LHPP: variants seen among roughly 807,000 people sequenced by gnomAD.
LHPP encodes the protein hLHPP.
In LHPP, 24 loss-of-function variants were observed where a neutral mutation model predicts 30.3. The ratio of observed to expected loss-of-function variants is 0.79; its 90% CI spans 0.57 to 1.11. The LOEUF is 1.11. LHPP is among the 50% of genes most tolerant of loss of function. The pLI is 0.00. For synonymous variants in LHPP, 150 were observed against 157.1 expected, an observed-to-expected ratio of 0.95 and a Z score of 0.34; for missense variants, 356 against 367.2, an observed-to-expected ratio of 0.97 and a Z score of 0.25.
intron 1 of LHPP, among the ~76,000 whole-genome samples, chr10:124,468,044 C>T (rs1176032980): frequency 6.6e-6 from 1 of 152,124 alleles, no homozygotes; most frequent in Non-Finnish European, 1.5e-5. Flanking sequence ...TCTGCCCAAC[C>T]CAGACCCCTA....
At chr10:124,552,795 C>G (rs1422896877) in intron 6 of LHPP, among the ~76,000 whole-genome samples, 3 of 152,242 alleles carry the variant, frequency 2.0e-5, no homozygotes. Context: ...ATAGCCTATC[C>G]TGGACAATCA....
chr10:124,501,160 C>T (rs1234067719), intron 5 of LHPP, among the ~76,000 whole-genome samples: 1 of 151,906 alleles, frequency 6.6e-6, no homozygotes, highest in Non-Finnish European at 1.5e-5. Flanking sequence ...CAAAAGGACA[C>T]ATATTGTATT....
At chr10:124,497,369 G>C (rs532868722) in intron 4 of LHPP, among the ~76,000 whole-genome samples, 1 of 151,868 alleles carries the variant, frequency 6.6e-6, no homozygotes, top group Non-Finnish European at 1.5e-5. Context: ...CACTCCTCTC[G>C]GGCTTGTGGC....
At position 124,510,095 on chromosome 10, in the gene LHPP, C is replaced by A. The variant is rs377013187; in HGVS notation, c.625-7085C>A. On this transcript the variant is annotated intron_variant, in intron 5 of 6. Transcript: ENST00000368842. The surrounding 1 kb of genome is among the most constrained non-coding windows in gnomAD (Gnocchi z 4.0). Reference sequence around the variant, plus strand: ...GGATCCTGGGTTCTGGGGGGTCCGACCTTTCATTTTTTTCTCCGCCTCACA... The same window carrying A: ...GGATCCTGGGTTCTGGGGGGTCCGAACTTTCATTTTTTTCTCCGCCTCACA... 5.3e-5 allele frequency among the ~76,000 whole-genome samples: 8 copies of A among 152,130 alleles called. No homozygotes were observed. The East Asian group carries it at 9.7e-4, about 18-fold the overall frequency.
chr10:124,474,315 T>G (rs1952877857), intron 1 of LHPP, among the ~76,000 whole-genome samples: 1 of 151,894 alleles, frequency 6.6e-6, no homozygotes, highest in Non-Finnish European at 1.5e-5. Flanking sequence ...AATTTTTGTA[T>G]TTTTAGTACA....
Position 124,478,321 on chromosome 10 carries a change from G to A in LHPP, c.126-5818G>A, listed in dbSNP as rs776460698. On this transcript the variant is annotated intron_variant, in intron 1 of 6. Coordinates refer to ENST00000368842, the MANE Select transcript of LHPP (RefSeq NM_022126.4). This position sits in a 1 kb window ranked among gnomAD's most constrained non-coding sequence, Gnocchi z 4.7. ...GAGCATGAAAGCAAAGACTCAGGGTGCTATGAGGGCCTCTGGGTCACACGA... is the reference window on the plus strand; with the variant it reads ...GAGCATGAAAGCAAAGACTCAGGGTACTATGAGGGCCTCTGGGTCACACGA... Among the ~76,000 whole-genome samples the A allele has an allele frequency of 6.6e-6, 1 of 152,204 alleles. No individual in the cohort carries two copies. Among genetic ancestry groups the A allele is most frequent in the Non-Finnish European group, 1.5e-5 (1 of 68,020 alleles).
chr10:124,471,031 A>T (rs1055136417), intron 1 of LHPP, among the ~76,000 whole-genome samples: 3 of 152,252 alleles, frequency 2.0e-5, no homozygotes, highest in South Asian at 4.1e-4. Context: ...TGGCCTCCTT[A>T]TGTAAACATT....
At chr10:124,578,220 C>T (rs898180668) in intron 6 of LHPP, among the ~76,000 whole-genome samples, 22 of 152,214 alleles carry the variant, frequency 1.4e-4, no homozygotes, top group African/African-American at 4.8e-4. Flanking sequence ...ACCTGCTTCC[C>T]AGGGCATTTG....
chr10:124,571,112 C>T (rs1048478075), intron 6 of LHPP, among the ~76,000 whole-genome samples: 3 of 152,214 alleles, frequency 2.0e-5, no homozygotes, highest in East Asian at 1.9e-4. Flanking sequence ...CACCTTCTGC[C>T]GTGACGGTGA....
chr10:124,533,924 A>G (rs2133935044), intron 6 of LHPP, among the ~76,000 whole-genome samples: 1 of 152,232 alleles, frequency 6.6e-6, no homozygotes, highest in Non-Finnish European at 1.5e-5. Flanking sequence ...GGAGTGACAC[A>G]GGGGCTCAGG....
At position 124,577,795 on chromosome 10, in the gene LHPP, C is replaced by T. The variant is rs187777461; in HGVS notation, c.717-35469C>T. On this transcript the variant is annotated intron_variant, in intron 6 of 6. Coordinates refer to ENST00000368842, the MANE Select transcript of LHPP (RefSeq NM_022126.4). ...GCCTTCCTTGGGGCTGCCCCTCCTC[C>T]ACTCTGGCAGCATTGGGACTTGAAT... Among the ~76,000 whole-genome samples, 20 of 150,208 alleles carry T rather than the reference C, an allele frequency of 1.3e-4. No individual in the cohort carries two copies. The East Asian group carries it at 1.8e-3, about 14-fold the overall frequency.
chr10:124,553,552 G>A (rs1024208851), intron 6 of LHPP, among the ~76,000 whole-genome samples: 13 of 141,364 alleles, frequency 9.2e-5, no homozygotes, highest in East Asian at 2.1e-4. Flanking sequence ...TCCGCCTCCC[G>A]GGTTCACGCC....
At position 124,464,277 on chromosome 10, in the gene LHPP, G is replaced by A. The variant is rs146580782; in HGVS notation, c.125+2290G>A. On this transcript the variant is annotated intron_variant, in intron 1 of 6. Coordinates refer to ENST00000368842, the MANE Select transcript of LHPP (RefSeq NM_022126.4). ...CGGAGTCACTAGCTGAGGCACCCTG[G>A]CTTGGTAGCCTGATGTCACTGGGAC... Among the ~76,000 whole-genome samples the A allele has an allele frequency of 7.2e-3, 1,094 of 152,310 alleles. 11 individuals are homozygous for A. The highest frequency in any genetic ancestry group is 0.024 in the African/African-American group (1,000 of 41,568).
intron 3 of LHPP, among the ~76,000 whole-genome samples, chr10:124,489,529 G>T (rs9422840): frequency 2.6e-5 from 4 of 151,912 alleles, no homozygotes; most frequent in Non-Finnish European, 5.9e-5. Context: ...ATCTCGGCTC[G>T]CTGCAACCTC....
intron 5 of LHPP, among the ~76,000 whole-genome samples, chr10:124,504,966 C>T (rs532122297): frequency 5.9e-5 from 9 of 152,192 alleles, no homozygotes; most frequent in East Asian, 1.9e-4. Flanking sequence ...TGGTCCCTGC[C>T]GCTGCCATCC....
chr10:124,581,565 G>T (rs1352138868), intron 6 of LHPP, among the ~76,000 whole-genome samples: 1 of 152,100 alleles, frequency 6.6e-6, no homozygotes, highest in African/African-American at 2.4e-5. Flanking sequence ...CCTTACCAAC[G>T]CTTCTTATCT....
intron 1 of LHPP, among the ~76,000 whole-genome samples, chr10:124,471,205 C>T (rs1000895679): frequency 2.0e-5 from 3 of 151,050 alleles, no homozygotes; most frequent in East Asian, 2.0e-4. Context: ...TCCAGTTCTG[C>T]GGGCACCTGC....
At chr10:124,522,854 C>T (rs1326802628) in intron 6 of LHPP, among the ~76,000 whole-genome samples, 2 of 152,032 alleles carry the variant, frequency 1.3e-5, no homozygotes, top group African/African-American at 2.4e-5. Flanking sequence ...AGGGAAGGGA[C>T]GTTTTGCCCA....
chr10:124,550,666 C>T (rs1280235593), intron 6 of LHPP, among the ~76,000 whole-genome samples: 1 of 152,198 alleles, frequency 6.6e-6, no homozygotes, highest in Non-Finnish European at 1.5e-5. Context: ...GCGTGTCCCC[C>T]GTGCCTTTTC....
Sources: allele counts gnomAD v4.1 joint callset (sites outside exome capture counted in the v4.1 genomes callset), GRCh38; gene constraint gnomAD v4.1.1; non-coding constraint Gnocchi (gnomAD v3.1); transcripts MANE v1.5; gene names NCBI Gene and HGNC (gene_info 2026-07-23, HGNC 2026-07-21).